The following ATXN7 variants were observed in gnomAD, a reference collection of about 807,000 sequenced individuals.
ATXN7 encodes ataxin-7.
In ATXN7, 12 loss-of-function variants were observed where a neutral mutation model predicts 70.5. The observed-to-expected ratio is 0.17, with a 90% CI of 0.11 to 0.28. The LOEUF (loss-of-function observed/expected upper bound fraction) is 0.28, where lower values mean the gene tolerates loss of function less well. Ranked by LOEUF, ATXN7 falls within the 10% of genes least tolerant of loss-of-function variation. The pLI is 1.00. For missense variants in ATXN7, 1,256 were observed against 1,131.7 expected (o/e 1.11, Z -1.58); for synonymous variants, 498 against 448.7 (o/e 1.11, Z -1.39).
chr3:63,982,143 T>A (rs754457135), intron 6 of ATXN7, 43 bp from the exon 7 acceptor site: 1 of 1,612,436 alleles, frequency 6.2e-7, no homozygotes, highest in African/African-American at 1.3e-5. Flanking sequence ...TGGGGGCTGC[T>A]GAGGCACTCA....
rs2075830730 is a variant in ATXN7, at chr3:64,001,289, G to A, written c.*1822G>A. The A allele has an allele frequency of 6.6e-6, 1 of 152,186 alleles. No individual in the cohort carries two copies. The highest frequency in any genetic ancestry group is 2.4e-5 in the African/African-American group (1 of 41,454). The allele number at this position is 152,186 out of a possible 1,614,324, so 9.4% of individuals were successfully genotyped here. ...ATTATTATGCAATCAATCAGTAAAT[G>A]TTTTTAAAATGATACTACAGGAGAG... is the stretch of plus-strand genomic sequence containing the variant. On this transcript the variant is annotated 3_prime_UTR_variant, in exon 13 of 13. Transcript: ENST00000674280.
chr3:63,876,605 A>G (rs1169796974), intron 1 of ATXN7, among the ~76,000 whole-genome samples: 1 of 152,202 alleles, frequency 6.6e-6, no homozygotes, highest in Non-Finnish European at 1.5e-5. Context: ...CTCCTAGAAA[A>G]GATTTTTCAG....
intron 4 of ATXN7, among the ~76,000 whole-genome samples, chr3:63,917,024 A>G (rs1704299622): frequency 1.3e-5 from 2 of 152,062 alleles, no homozygotes; most frequent in African/African-American, 2.4e-5. Context: ...GGTTCAAGCG[A>G]TTCTCCTACC....
chr3:63,979,896 T>A lies in ATXN7; in HGVS notation c.500-19T>A. ...TCGCCTAAAACATGATGTCTTTTTTTCTTTGCTTTCGTTTTCAGAAAGAAG... is the reference window on the plus strand; with the variant it reads ...TCGCCTAAAACATGATGTCTTTTTTACTTTGCTTTCGTTTTCAGAAAGAAG... On this transcript the variant is annotated intron_variant, in intron 5 of 12. Coordinates refer to ENST00000674280, the MANE Select transcript of ATXN7 (RefSeq NM_001377405.1). The A allele has an allele frequency of 6.2e-7, 1 of 1,611,924 alleles. No homozygotes were observed. The highest frequency in any genetic ancestry group is 8.5e-7 in the Non-Finnish European group (1 of 1,178,622).
intron 5 of ATXN7, among the ~76,000 whole-genome samples, chr3:63,962,515 G>A (rs1399835693): frequency 1.3e-5 from 2 of 151,704 alleles, no homozygotes; most frequent in African/African-American, 4.8e-5. Context: ...AGTGATTCTC[G>A]TGCCTCAGCC....
In ATXN7 at chr3:63,912,738, G is replaced by C. The variant is rs1357238582; in HGVS notation, c.140G>C (p.Arg47Pro). The C allele has an allele frequency of 4.7e-6, 6 of 1,275,408 alleles. No homozygotes were observed. The highest frequency in any genetic ancestry group is 3.8e-5 in the Admixed American group (1 of 26,288). The allele number at this position is 1,275,408 out of a possible 1,614,324, so 79.0% of individuals were successfully genotyped here. A position where few individuals can be genotyped will look rare whatever the true frequency, so the allele number is the denominator to read the frequency against. The part of the protein sequence containing the change: ...QQQPPPPQPQ[R>P]QQHPPPPPRR... ...CAGCCGCCGCCTCCGCAGCCCCAGC[G>C]GCAGCAGCACCCGCCACCGCCGCCA... Residue 47 changes from arginine (R) to proline (P), a missense_variant, in exon 3 of 13, where the codon CGG becomes CCG. Arg to Pro is a moderately radical substitution (Grantham distance 103). Transcript: ENST00000674280.
intron 4 of ATXN7, among the ~76,000 whole-genome samples, chr3:63,922,171 C>G (rs938183233): frequency 1.3e-5 from 2 of 152,076 alleles, no homozygotes; most frequent in African/African-American, 4.8e-5. Flanking sequence ...TCCTGAGTAG[C>G]TGGGGCCACA....
At chr3:63,918,377 T>G (rs1311628311) in intron 4 of ATXN7, among the ~76,000 whole-genome samples, 1 of 152,242 alleles carries the variant, frequency 6.6e-6, no homozygotes, top group African/African-American at 2.4e-5. Flanking sequence ...ATCCTCTCCC[T>G]TAAATAGCAT....
intron 4 of ATXN7, among the ~76,000 whole-genome samples, chr3:63,919,918 A>T (rs1704441372): frequency 1.3e-5 from 2 of 151,632 alleles, no homozygotes. Flanking sequence ...ATGGTATGTA[A>T]ATATGCAAGA....
chr3:63,998,152 TAGACAGG>T, intron 12 of ATXN7: 1 of 970,034 alleles, frequency 1.0e-6, no homozygotes, highest in Non-Finnish European at 1.2e-6. Flanking sequence ...TGTCTTCATT[TAGACAGG>T]AGTGTAGATC....
chr3:63,926,779 G>A (rs996391762), intron 4 of ATXN7, among the ~76,000 whole-genome samples: 6 of 151,708 alleles, frequency 4.0e-5, no homozygotes, highest in African/African-American at 9.7e-5. Context: ...AAGTGTCACC[G>A]TTTTTTTTAA....
chr3:63,964,798 A>G (rs2075192298), intron 5 of ATXN7, among the ~76,000 whole-genome samples: 1 of 152,192 alleles, frequency 6.6e-6, no homozygotes, highest in South Asian at 2.1e-4. Context: ...CAGCCGAATG[A>G]ATTGCTTGGT....
At chr3:63,912,533 C>T in intron 2 of ATXN7, 55 bp from the exon 3 acceptor site, 3 of 1,069,752 alleles carry the variant, frequency 2.8e-6, no homozygotes, top group South Asian at 2.3e-5. Flanking sequence ...CCTGGCGCCT[C>T]CTTAAAAAAC....
chr3:63,921,479 A>C (rs1236042503), intron 4 of ATXN7, among the ~76,000 whole-genome samples: 2 of 152,260 alleles, frequency 1.3e-5, no homozygotes, highest in African/African-American at 4.8e-5. Context: ...AATAAAGGAC[A>C]GTCCTTTAAT....
At chr3:63,894,133 G>T (rs1246714596) in intron 1 of ATXN7, among the ~76,000 whole-genome samples, 1 of 152,180 alleles carries the variant, frequency 6.6e-6, no homozygotes, top group Non-Finnish European at 1.5e-5. Flanking sequence ...GGTCTGAAAG[G>T]AAAATAAGTG....
At chr3:63,973,152 A>C (rs2075340868) in intron 5 of ATXN7, among the ~76,000 whole-genome samples, 1 of 152,200 alleles carries the variant, frequency 6.6e-6, no homozygotes, top group Non-Finnish European at 1.5e-5. Context: ...CAGAGCAAGG[A>C]TATGAACCCA....
chr3:63,883,612 T>G (rs1420893123), intron 1 of ATXN7, among the ~76,000 whole-genome samples: 3 of 152,110 alleles, frequency 2.0e-5, no homozygotes, highest in Non-Finnish European at 4.4e-5. Flanking sequence ...TAAATAATCC[T>G]ATGTAACTAT....
intron 12 of ATXN7, chr3:63,996,748 C>G (rs2075767413): frequency 8.5e-6 from 4 of 470,098 alleles, no homozygotes; most frequent in Middle Eastern, 5.6e-4. Context: ...TTTAGTAGAG[C>G]TGCAGAAAGC....
At chr3:63,952,309 T>C in intron 4 of ATXN7, 70 bp from the exon 5 acceptor site, 5 of 1,138,286 alleles carry the variant, frequency 4.4e-6, no homozygotes, top group Admixed American at 2.3e-5. Context: ...CTTTAGAAAG[T>C]AGTTTCCCAA....
Sources: gnomAD v4.1 joint callset for allele counts (sites outside exome capture counted in the v4.1 genomes callset) on GRCh38, gnomAD v4.1.1 for gene constraint, MANE v1.5 for transcripts, NCBI Gene and HGNC (gene_info 2026-07-23, HGNC 2026-07-21) for gene names.